ACAP2: variants seen among roughly 807,000 people sequenced by gnomAD.
ACAP2 encodes ArfGAP with coiled-coil, ankyrin repeat and PH domains 2, also known as arf-GAP with coiled-coil, ANK repeat and PH domain-containing protein 2.
Under a neutral mutation model 115.8 loss-of-function variants are expected in ACAP2, and 39 were observed. The ratio of observed to expected loss-of-function variants is 0.34; its 90% CI spans 0.26 to 0.44. The LOEUF is 0.44. Ranked by LOEUF, ACAP2 falls within the 20% of genes least tolerant of loss-of-function variation. The probability of loss-of-function intolerance (pLI) is 1.00; values close to 1 mark genes in which losing one functional copy is unlikely to be tolerated. For missense variants in ACAP2, 662 were observed against 927.6 expected (o/e 0.71, Z 3.72); for synonymous variants, 289 against 315.8 (o/e 0.92, Z 0.90).
intron 3 of ACAP2, 91 bp downstream of exon 3, chr3:195,381,812 A>T: frequency 7.0e-7 from 1 of 1,424,062 alleles, no homozygotes; most frequent in Non-Finnish European, 9.5e-7. Context: ...AAGTATCACC[A>T]TAACTATAAA....
Position 195,276,148 on chromosome 3 carries a change from A to G in ACAP2, c.*3180T>C, listed in dbSNP as rs952778646. 24 of 152,666 alleles carry G rather than the reference A, an allele frequency of 1.6e-4. No individual in the cohort carries two copies. Among genetic ancestry groups the G allele is most frequent in the African/African-American group, 5.8e-4 (24 of 41,470 alleles). 9.5% of individuals were successfully genotyped at this position (152,666 alleles called of 1,614,324 possible). On this transcript the variant is annotated 3_prime_UTR_variant, in exon 23 of 23. Transcript: ENST00000326793. ...ACTTAACATGCATAAAATATTTTTA[A>G]AATACAAACTTAAATTGGCCAGATT...
At chr3:195,375,507 C>CA (rs77856053) in intron 4 of ACAP2, among the ~76,000 whole-genome samples, 159 of 103,698 alleles carry the variant, frequency 1.5e-3, no homozygotes, top group African/African-American at 2.3e-3. Context: ...ATCAACTGTA[C>CA]AAAAAAAAAA....
intron 1 of ACAP2, among the ~76,000 whole-genome samples, chr3:195,426,731 T>C (rs1714711651): frequency 1.3e-5 from 2 of 152,106 alleles, no homozygotes; most frequent in South Asian, 2.1e-4. Context: ...AAATTAAAAA[T>C]AGCAAAGCCA....
At chr3:195,345,448 C>G (rs771849659) in intron 4 of ACAP2, 131 bp from the exon 5 acceptor site, 25 of 588,916 alleles carry the variant, frequency 4.2e-5, no homozygotes, top group Non-Finnish European at 6.0e-5. Flanking sequence ...TTGAAGACTA[C>G]AAAAGAAATA....
Position 195,429,025 on chromosome 3 carries a change from A to G in ACAP2, c.53+13770T>C, listed in dbSNP as rs1323764590. The stretch of plus-strand genomic sequence containing the variant: ...AATGATCAAACAATGGAAGCAATCT[A>G]TCCATCATCAGGAGAATGAATACAT... On this transcript the variant is annotated intron_variant, in intron 1 of 22. Transcript: ENST00000326793. Among the ~76,000 whole-genome samples the G allele has an allele frequency of 2.6e-5, 4 of 152,182 alleles. No individual in the cohort carries two copies. In the East Asian group the frequency reaches 7.7e-4, roughly 29 times the overall value.
intron 1 of ACAP2, among the ~76,000 whole-genome samples, chr3:195,399,727 A>G (rs1029947269): frequency 6.6e-6 from 1 of 152,174 alleles, no homozygotes; most frequent in Non-Finnish European, 1.5e-5. Context: ...TGAAAAAGCA[A>G]CCAAATCACA....
chr3:195,425,735 A>T (rs1207018644), intron 1 of ACAP2, among the ~76,000 whole-genome samples: 1 of 152,190 alleles, frequency 6.6e-6, no homozygotes, highest in African/African-American at 2.4e-5. Context: ...CTTTATCAAT[A>T]AACAGAATCT....
At chr3:195,372,987 CAA>C (rs869134113) in intron 4 of ACAP2, among the ~76,000 whole-genome samples, 297 of 17,676 alleles carry the variant, frequency 0.017, no homozygotes, top group Non-Finnish European at 0.036. Flanking sequence ...GACTCCATCT[CAA>C]AAAAAAAAAA....
intron 13 of ACAP2, among the ~76,000 whole-genome samples, chr3:195,302,754 T>C (rs1049131556): frequency 2.6e-5 from 4 of 152,018 alleles, no homozygotes; most frequent in African/African-American, 9.7e-5. Context: ...GGATATTAGG[T>C]AAAAGAGAAG....
rs1405155201 is a variant in ACAP2 at position 195,308,766 on chromosome 3, T to C, written c.909+20A>G. On this transcript the variant is annotated intron_variant, in intron 11 of 22. Transcript: ENST00000326793. The stretch of plus-strand genomic sequence containing the variant: ...AACTGAAACTGGTAACTCACTGGGG[T>C]TTCATTTATTAACACCTACCTTAAA... 8 of 1,599,846 alleles carry C rather than the reference T, an allele frequency of 5.0e-6. No homozygotes were observed. The Admixed American group carries it at 1.4e-4, about 27-fold the overall frequency.
intron 18 of ACAP2, 110 bp downstream of exon 18, chr3:195,294,609 T>TTATA (rs869264780): frequency 9.9e-3 from 364 of 36,888 alleles, no homozygotes; most frequent in Middle Eastern, 0.028. Context: ...AAAAAAAAAA[T>TTATA]TATATATATA....
chr3:195,420,449 C>T (rs907565807), intron 1 of ACAP2, among the ~76,000 whole-genome samples: 3 of 150,488 alleles, frequency 2.0e-5, no homozygotes, highest in African/African-American at 4.9e-5. Context: ...CCCGGGTTCA[C>T]GCCATTCTCC....
At chr3:195,346,683 A>G (rs1731209322) in intron 4 of ACAP2, among the ~76,000 whole-genome samples, 2 of 152,240 alleles carry the variant, frequency 1.3e-5, no homozygotes, top group Admixed American at 6.5e-5. Context: ...GGCCAAATGA[A>G]ATTAAAACTT....
At chr3:195,318,888 T>C (rs1395614362) in intron 10 of ACAP2, among the ~76,000 whole-genome samples, 1 of 152,062 alleles carries the variant, frequency 6.6e-6, no homozygotes, top group Non-Finnish European at 1.5e-5. Context: ...ATGGGAAAAA[T>C]GTCTCCAGGG....
intron 1 of ACAP2, among the ~76,000 whole-genome samples, chr3:195,415,092 C>T (rs146503761): frequency 1.3e-5 from 2 of 152,058 alleles, no homozygotes; most frequent in African/African-American, 2.4e-5. Context: ...CAAGAATGAA[C>T]GTTAATGGAA....
intron 13 of ACAP2, among the ~76,000 whole-genome samples, chr3:195,303,985 C>T (rs746802223): frequency 2.6e-5 from 4 of 151,638 alleles, no homozygotes; most frequent in Middle Eastern, 3.4e-3. Context: ...TATGGTGAAA[C>T]CCTGTCTCTA....
At chr3:195,303,431 A>G (rs1307530108) in intron 13 of ACAP2, among the ~76,000 whole-genome samples, 1 of 151,620 alleles carries the variant, frequency 6.6e-6, no homozygotes, top group Non-Finnish European at 1.5e-5. Context: ...ACATACATAC[A>G]TACAAATTAG....
chr3:195,289,455 G>T (rs1416147468), intron 20 of ACAP2, among the ~76,000 whole-genome samples: 1 of 151,990 alleles, frequency 6.6e-6, no homozygotes, highest in Non-Finnish European at 1.5e-5. Flanking sequence ...TTAATCTGGT[G>T]CTATATAGAT....
At position 195,432,941 on chromosome 3, in the gene ACAP2, T is replaced by C. The variant is rs1715248963; in HGVS notation, c.53+9854A>G. On this transcript the variant is annotated intron_variant, in intron 1 of 22. Coordinates refer to ENST00000326793, the MANE Select transcript of ACAP2 (RefSeq NM_012287.6). Reference sequence around the variant, plus strand: ...GACAGATTGGTTTTCTTTGTTAGTATACAGAAATACAAATAATTTTTGTAC... The same window carrying C: ...GACAGATTGGTTTTCTTTGTTAGTACACAGAAATACAAATAATTTTTGTAC... 2.0e-5 allele frequency among the ~76,000 whole-genome samples: 3 copies of C among 152,238 alleles called. No homozygotes were observed. The South Asian group carries it at 6.2e-4, about 31-fold the overall frequency.
Sources: gnomAD v4.1 joint callset for allele counts (sites outside exome capture counted in the v4.1 genomes callset) on GRCh38, gnomAD v4.1.1 for gene constraint, MANE v1.5 for transcripts, NCBI Gene and HGNC (gene_info 2026-07-23, HGNC 2026-07-21) for gene names.